The following LEMD3 variants were observed in gnomAD, a reference collection of about 807,000 sequenced individuals.
The protein encoded by LEMD3 is LEM domain containing 3.
Under a neutral mutation model 95.2 loss-of-function variants are expected in LEMD3, and 33 were observed. That is an observed-to-expected ratio of 0.35 (90% confidence interval 0.26 to 0.46). LEMD3 has a LOEUF of 0.46. LEMD3 is among the 20% of genes least tolerant of loss of function. LEMD3 has a pLI of 1.00. For missense variants in LEMD3, 1,210 were observed against 1,192.8 expected, an observed-to-expected ratio of 1.01 and a Z score of -0.21; for synonymous variants, 525 against 474.6, an observed-to-expected ratio of 1.11 and a Z score of -1.38.
Position 65,171,124 on chromosome 12 carries a change from T to TA in LEMD3, c.1522+7dup, listed in dbSNP as rs773555333. 6.2e-7 allele frequency: 1 copy of TA among 1,608,956 alleles called. No homozygotes were observed. Among genetic ancestry groups the TA allele is most frequent in the East Asian group, 2.2e-5 (1 of 44,880 alleles). Reference sequence around the variant, plus strand: ...TGAGGATGGAGAACTCAGCAGTAAGTATTAAATCCTGTGGGTAAGGTAACA... The same window carrying TA: ...TGAGGATGGAGAACTCAGCAGTAAGTAATTAAATCCTGTGGGTAAGGTAACA... On this transcript the variant is annotated splice_region_variant and intron_variant, in intron 1 of 12. Transcript: ENST00000308330.
rs762994114 is a variant in LEMD3, at chr12:65,170,694, T to C, written c.1098T>C (p.Pro366=). The C allele has an allele frequency of 3.7e-6, 6 of 1,614,034 alleles. No homozygotes were observed. ...RYRVNAKKLT[P]LLPPPLTDMD... ...GTGTTAACGCTAAGAAACTGACCCC[T>C]CTCCTGCCCCCGCCACTTACTGACA... The change falls in exon 1 of 13, where the codon CCT becomes CCC. Residue 366 remains proline, a synonymous_variant. Coordinates refer to ENST00000308330, the MANE Select transcript of LEMD3 (RefSeq NM_014319.5).
chr12:65,171,585 G>A (rs1474575211), intron 1 of LEMD3: 2 of 184,652 alleles, frequency 1.1e-5, no homozygotes, highest in African/African-American at 4.8e-5. Context: ...CATAAATTCG[G>A]ATTAAATATT....
chr12:65,189,843 C>G (rs1258817671), intron 1 of LEMD3, among the ~76,000 whole-genome samples: 3 of 152,144 alleles, frequency 2.0e-5, no homozygotes, highest in Non-Finnish European at 4.4e-5. Context: ...TTAAAAGCCT[C>G]TCTAGGCTAT....
At position 65,208,140 on chromosome 12, in the gene LEMD3, T is replaced by G. The variant is rs146930765; in HGVS notation, c.1523-2786T>G. ...TTTAAAGGGAAAAGAAGTCAAAATA[T>G]TAAGGACCTTTACAAAGAAAAGCTT... On this transcript the variant is annotated intron_variant, in intron 1 of 12. Transcript: ENST00000308330. 3.9e-5 allele frequency among the ~76,000 whole-genome samples: 6 copies of G among 152,248 alleles called. No homozygotes were observed. The East Asian group carries it at 1.2e-3, about 29-fold the overall frequency.
intron 1 of LEMD3, among the ~76,000 whole-genome samples, chr12:65,183,877 C>T (rs1305990064): frequency 6.6e-6 from 1 of 152,124 alleles, no homozygotes; most frequent in Non-Finnish European, 1.5e-5. Context: ...TATACTTGTT[C>T]CTCATTTCCC....
intron 4 of LEMD3, among the ~76,000 whole-genome samples, chr12:65,231,141 CT>C (rs552904734): frequency 1.3e-5 from 2 of 152,008 alleles, no homozygotes; most frequent in African/African-American, 2.4e-5. Context: ...TGTTAATACT[CT>C]TTTTTTATAG....
At chr12:65,238,466 T>C in intron 4 of LEMD3, 36 bp from the exon 5 acceptor site, 1 of 1,316,564 alleles carries the variant, frequency 7.6e-7, no homozygotes, top group East Asian at 2.3e-5. Context: ...CGAATGTAGA[T>C]TAAGAATAGT....
chr12:65,196,318 T>G (rs1011669949), intron 1 of LEMD3, among the ~76,000 whole-genome samples: 9 of 152,040 alleles, frequency 5.9e-5, no homozygotes, highest in South Asian at 2.1e-4. Context: ...TTTAGGAGCT[T>G]CTTCTGCACA....
chr12:65,192,652 C>T (rs938727432), intron 1 of LEMD3, among the ~76,000 whole-genome samples: 6 of 152,054 alleles, frequency 3.9e-5, no homozygotes, highest in Admixed American at 2.6e-4. Context: ...TTTTTAGAAG[C>T]ATGTGCTTCT....
intron 1 of LEMD3, among the ~76,000 whole-genome samples, chr12:65,194,376 C>A (rs1007567001): frequency 6.6e-6 from 1 of 152,106 alleles, no homozygotes; most frequent in Non-Finnish European, 1.5e-5. Flanking sequence ...CTTCTCGTAT[C>A]CACCTCCCTG....
chr12:65,208,763 G>A (rs1469823281), intron 1 of LEMD3, among the ~76,000 whole-genome samples: 3 of 152,004 alleles, frequency 2.0e-5, no homozygotes, highest in Non-Finnish European at 2.9e-5. Flanking sequence ...TCATTTAATA[G>A]GTGGCAATTA....
chr12:65,210,652 T>C (rs1869908615), intron 1 of LEMD3, among the ~76,000 whole-genome samples: 1 of 152,158 alleles, frequency 6.6e-6, no homozygotes, highest in African/African-American at 2.4e-5. Flanking sequence ...TAATAAGTGG[T>C]AGAGGTGGAG....
intron 8 of LEMD3, chr12:65,240,482 T>A: frequency 2.0e-6 from 1 of 502,664 alleles, no homozygotes; most frequent in South Asian, 2.6e-5. Flanking sequence ...GATTCTTTGT[T>A]GTTAGTCTCC....
Position 65,169,950 on chromosome 12 carries a change from C to T in LEMD3, c.354C>T (p.Leu118=), listed in dbSNP as rs1413964688. 5.5e-6 allele frequency: 8 copies of T among 1,457,948 alleles called. No homozygotes were observed. Among genetic ancestry groups the T allele is most frequent in the South Asian group, 1.4e-5 (1 of 69,392 alleles). 90.3% of individuals were successfully genotyped at this position (1,457,948 alleles called of 1,614,324 possible). A position where few individuals can be genotyped will look rare whatever the true frequency, so the allele number is the denominator to read the frequency against. Residue 118 remains leucine, a synonymous_variant, in exon 1 of 13, where the codon CTC becomes CTT. Transcript: ENST00000308330. ...CRISASGPES[L]LGGPGGASAA... ...TCTCGGCCTCTGGCCCAGAGAGCCT[C>T]CTGGGAGGGCCCGGGGGCGCCTCCG...
chr12:65,179,368 TA>T lies in LEMD3; in HGVS notation c.1522+8253del, dbSNP rs546443043. The stretch of plus-strand genomic sequence containing the variant: ...TGATTCCTAAGAGTTGGGAAGTTCT[TA>T]AAGCTTGCTTCTCCTTGCTCATTGA... On this transcript the variant is annotated intron_variant, in intron 1 of 12. Coordinates refer to ENST00000308330, the MANE Select transcript of LEMD3 (RefSeq NM_014319.5). Among the ~76,000 whole-genome samples the T allele has an allele frequency of 3.4e-3, 511 of 152,246 alleles. 1 individual carries two copies. Among genetic ancestry groups the T allele is most frequent in the African/African-American group, 0.012 (493 of 41,558 alleles).
chr12:65,200,515 T>C (rs1207408965), intron 1 of LEMD3, among the ~76,000 whole-genome samples: 2 of 152,186 alleles, frequency 1.3e-5, no homozygotes, highest in Non-Finnish European at 2.9e-5. Context: ...GCATTCGTGA[T>C]GTCAGTGTTC....
chr12:65,205,663 G>A (rs1869738435), intron 1 of LEMD3, among the ~76,000 whole-genome samples: 1 of 152,156 alleles, frequency 6.6e-6, no homozygotes, highest in Admixed American at 6.6e-5. Flanking sequence ...TAGGAGAGCA[G>A]AAGTGGAGAG....
intron 2 of LEMD3, among the ~76,000 whole-genome samples, chr12:65,214,700 G>C (rs1870047455): frequency 6.6e-6 from 1 of 152,132 alleles, no homozygotes. Flanking sequence ...TTTGCTCCAT[G>C]ATCTGTTCAT....
At chr12:65,208,806 A>T (rs939433886) in intron 1 of LEMD3, among the ~76,000 whole-genome samples, 1 of 152,042 alleles carries the variant, frequency 6.6e-6, no homozygotes, top group African/African-American at 2.4e-5. Flanking sequence ...ATTTTAACGA[A>T]GTTTTGTTGG....
Sources: gnomAD v4.1 joint callset for allele counts (sites outside exome capture counted in the v4.1 genomes callset) on GRCh38, gnomAD v4.1.1 for gene constraint, MANE v1.5 for transcripts, NCBI Gene and HGNC (gene_info 2026-07-23, HGNC 2026-07-21) for gene names.